Variants in PCDHGB5 observed in about 807,000 individuals in gnomAD.
PCDHGB5 encodes protocadherin gamma-B5.
Under a neutral mutation model 62.9 loss-of-function variants are expected in PCDHGB5, and 48 were observed. The observed-to-expected ratio is 0.76, with a 90% CI of 0.61 to 0.97. The LOEUF is 0.97. Ranked by LOEUF, PCDHGB5 falls within the 50% of genes least tolerant of loss-of-function variation. PCDHGB5 has a pLI of 0.00. For synonymous variants in PCDHGB5, 474 were observed against 511.2 expected (o/e 0.93, Z 0.98); for missense variants, 1,118 against 1,198.6 (o/e 0.93, Z 0.99).
At chr5:141,459,215 G>C (rs2098963353) in intron 1 of PCDHGB5, among the ~76,000 whole-genome samples, 1 of 152,112 alleles carries the variant, frequency 6.6e-6, no homozygotes, top group South Asian at 2.1e-4. Flanking sequence ...TACTTCTCCA[G>C]CTCCAGGCAA....
chr5:141,477,037 G>A lies in PCDHGB5; in HGVS notation c.2398-17770G>A. ...TTGTAACCGGGATGCTGACAATCAAGGGTCGGCTGGACTTCGAGGACACCA... is the reference window on the plus strand; with the variant it reads ...TTGTAACCGGGATGCTGACAATCAAAGGTCGGCTGGACTTCGAGGACACCA... On this transcript the variant is annotated intron_variant, in intron 1 of 3. Coordinates refer to ENST00000617380, the MANE Select transcript of PCDHGB5 (RefSeq NM_018925.3). This position sits in a 1 kb window ranked among gnomAD's most constrained non-coding sequence, Gnocchi z 4.9. 6.2e-7 allele frequency: 1 copy of A among 1,614,266 alleles called. No individual in the cohort carries two copies. The highest frequency in any genetic ancestry group is 8.5e-7 in the Non-Finnish European group (1 of 1,180,052).
chr5:141,430,245 G>C (rs1000418420), intron 1 of PCDHGB5, among the ~76,000 whole-genome samples: 1 of 104,402 alleles, frequency 9.6e-6, no homozygotes, highest in African/African-American at 6.4e-5. Flanking sequence ...GAAACTCCTA[G>C]GGAGACATCT....
chr5:141,435,855 G>A (rs1164301394), intron 1 of PCDHGB5, among the ~76,000 whole-genome samples: 1 of 152,006 alleles, frequency 6.6e-6, no homozygotes, highest in Non-Finnish European at 1.5e-5. Flanking sequence ...AGATACAATA[G>A]TTAAAACCCA....
At chr5:141,424,068 G>T in intron 1 of PCDHGB5, 1 of 993,858 alleles carries the variant, frequency 1.0e-6, no homozygotes. Flanking sequence ...TCACTGATTT[G>T]TAGTTATATT....
At position 141,399,442 on chromosome 5, in the gene PCDHGB5, A is replaced by G; in HGVS notation, c.1315A>G (p.Arg439Gly). The change falls in exon 1 of 4, where the codon AGA (arginine) becomes GGA (glycine). Residue 439 changes from arginine (R) to glycine (G), a missense_variant. Physicochemically the swap from Arg to Gly is moderately radical, Grantham distance 125. This residue lies in a region of PCDHGB5 where 1,034 missense variants were observed against 1,029.1 expected (regional missense o/e 1.00). Transcript: ENST00000617380. ...SSSISVILHI[R>G]DVNDNAPVFH... Reference sequence around the variant, plus strand: ...CAGCATAAGCGTCATCCTACATATCAGAGACGTCAACGATAACGCTCCGGT... The same window carrying G: ...CAGCATAAGCGTCATCCTACATATCGGAGACGTCAACGATAACGCTCCGGT... 6.2e-7 allele frequency: 1 copy of G among 1,613,996 alleles called. No individual in the cohort carries two copies.
At chr5:141,408,450 A>C in intron 1 of PCDHGB5, 1 of 1,613,944 alleles carries the variant, frequency 6.2e-7, no homozygotes, top group Non-Finnish European at 8.5e-7. Flanking sequence ...GAGAGCGGGG[A>C]CTTACTTGTG....
intron 1 of PCDHGB5, among the ~76,000 whole-genome samples, chr5:141,438,872 G>T (rs13178044): frequency 0.11 from 16,734 of 151,118 alleles, 1,094 homozygotes; most frequent in African/African-American, 0.17. Flanking sequence ...CATCAAGTTG[G>T]CCAGGCTGCT....
At chr5:141,423,107 T>G (rs1590430250) in intron 1 of PCDHGB5, 1 of 1,613,696 alleles carries the variant, frequency 6.2e-7, no homozygotes, top group East Asian at 2.2e-5. Flanking sequence ...ACGGGCGAGG[T>G]GCGTACAGCG....
chr5:141,491,022 C>T lies in PCDHGB5; in HGVS notation c.2398-3785C>T, dbSNP rs1431293281. 6.8e-6 allele frequency: 11 copies of T among 1,614,116 alleles called. No homozygotes were observed. Among genetic ancestry groups the T allele is most frequent in the East Asian group, 2.2e-5 (1 of 44,886 alleles). On this transcript the variant is annotated intron_variant, in intron 1 of 3. Coordinates refer to ENST00000617380, the MANE Select transcript of PCDHGB5 (RefSeq NM_018925.3). The surrounding 1 kb of genome is among the most constrained non-coding windows in gnomAD (Gnocchi z 6.9). ...GCTCCTTGGTCACCAAGGTGACAGCCGTGGATGCTGATGCAGGCCACAATG... is the reference window on the plus strand; with the variant it reads ...GCTCCTTGGTCACCAAGGTGACAGCTGTGGATGCTGATGCAGGCCACAATG...
At chr5:141,433,123 C>A in intron 1 of PCDHGB5, 1 of 1,614,116 alleles carries the variant, frequency 6.2e-7, no homozygotes, top group Non-Finnish European at 8.5e-7. Context: ...TTGAAAAAAG[C>A]GAGCCCCTTT....
rs758823968 is a variant in PCDHGB5 at position 141,399,146 on chromosome 5, G to C, written c.1019G>C (p.Ser340Thr). 1 of 1,613,792 alleles carries C rather than the reference G, an allele frequency of 6.2e-7. No homozygotes were observed. Among genetic ancestry groups the C allele is most frequent in the South Asian group, 1.1e-5 (1 of 91,084 alleles). The change falls in exon 1 of 4, where the codon AGC (serine) becomes ACC (threonine). Residue 340 changes from serine to threonine, a missense_variant. This residue lies in a region of PCDHGB5 where 1,034 missense variants were observed against 1,029.1 expected (regional missense o/e 1.00). Coordinates refer to ENST00000617380, the MANE Select transcript of PCDHGB5 (RefSeq NM_018925.3). ...AATATTCAAGATGAAAATGACAATAGCCCAGAAGTTACATTCCATTCTCTA... is the reference window on the plus strand; with the variant it reads ...AATATTCAAGATGAAAATGACAATACCCCAGAAGTTACATTCCATTCTCTA... ...EINIQDENDN[S>T]PEVTFHSLLE...
intron 1 of PCDHGB5, chr5:141,442,449 T>TA (rs1488731055): frequency 6.6e-6 from 1 of 152,210 alleles, no homozygotes; most frequent in African/African-American, 2.4e-5. Context: ...CAGGACTCAA[T>TA]AGCAGTTTCA....
chr5:141,427,224 A>G (rs1269896138), intron 1 of PCDHGB5: 1 of 456,768 alleles, frequency 2.2e-6, no homozygotes, highest in East Asian at 6.9e-5. Context: ...TAGCAGTTAT[A>G]CCATGAGAGT....
chr5:141,431,325 G>C lies in PCDHGB5; in HGVS notation c.2397+30801G>C, dbSNP rs772252181. On this transcript the variant is annotated intron_variant, in intron 1 of 3. Coordinates refer to ENST00000617380, the MANE Select transcript of PCDHGB5 (RefSeq NM_018925.3). The surrounding 1 kb of genome is among the most constrained non-coding windows in gnomAD (Gnocchi z 4.8). Reference sequence around the variant, plus strand: ...ATCGTGCAAAATGGAGCCGACGGTAGTAAGTACCCCGAATTGGTGCTGAAA... The same window carrying C: ...ATCGTGCAAAATGGAGCCGACGGTACTAAGTACCCCGAATTGGTGCTGAAA... 4.3e-6 allele frequency: 7 copies of C among 1,614,144 alleles called. No individual in the cohort carries two copies. In the Admixed American group the frequency reaches 8.3e-5, roughly 19 times the overall value.
chr5:141,418,869 T>A (rs1261615662), intron 1 of PCDHGB5: 1 of 1,613,830 alleles, frequency 6.2e-7, no homozygotes, highest in Non-Finnish European at 8.5e-7. Flanking sequence ...ATTGTAGAAG[T>A]TGTAGACGAA....
intron 1 of PCDHGB5, among the ~76,000 whole-genome samples, chr5:141,483,208 G>A (rs1195144442): frequency 6.6e-6 from 1 of 152,196 alleles, no homozygotes; most frequent in East Asian, 1.9e-4. Context: ...ATTCCATATA[G>A]ATGACAGTCA....
Position 141,489,866 on chromosome 5 carries a change from A to AGCTGGT in PCDHGB5, c.2398-4937_2398-4932dup. ...GATCGTGAAGCCCAGGCAAGACATC[A>AGCTGGT]GCTGGTGCTTACTGCTGTGGATGGG... On this transcript the variant is annotated intron_variant, in intron 1 of 3. Coordinates refer to ENST00000617380, the MANE Select transcript of PCDHGB5 (RefSeq NM_018925.3). The surrounding 1 kb of genome is among the most constrained non-coding windows in gnomAD (Gnocchi z 4.5). The AGCTGGT allele has an allele frequency of 1.2e-6, 2 of 1,614,220 alleles. No individual in the cohort carries two copies. The highest frequency in any genetic ancestry group is 1.7e-6 in the Non-Finnish European group (2 of 1,180,018).
At chr5:141,430,948 A>C (rs753305931) in intron 1 of PCDHGB5, 47 of 1,609,938 alleles carry the variant, frequency 2.9e-5, no homozygotes, top group Non-Finnish European at 4.0e-5. Context: ...CGGAGCGCGG[A>C]GTCCGCATCA....
intron 1 of PCDHGB5, chr5:141,415,653 G>C (rs947379829): frequency 1.4e-5 from 22 of 1,539,304 alleles, no homozygotes; most frequent in Non-Finnish European, 1.9e-5. Context: ...AAAAAAAAAA[G>C]ATTGGTTTTT....
Sources: allele counts gnomAD v4.1 joint callset (sites outside exome capture counted in the v4.1 genomes callset), GRCh38; gene constraint gnomAD v4.1.1; regional missense constraint gnomAD v4.1.1; non-coding constraint Gnocchi (gnomAD v3.1); transcripts MANE v1.5; gene names NCBI Gene and HGNC (gene_info 2026-07-23, HGNC 2026-07-21).